PPP1R37: variants seen among roughly 807,000 people sequenced by gnomAD.
PPP1R37 encodes leucine rich repeat containing 68.
In PPP1R37, 21 loss-of-function variants were observed where a neutral mutation model predicts 61.0. The observed-to-expected ratio is 0.34, with a 90% CI of 0.24 to 0.50. The LOEUF is 0.50. Among genes scored for constraint, PPP1R37 ranks in the 20% least tolerant of loss-of-function variants. PPP1R37 has a pLI of 0.98. For synonymous variants in PPP1R37, 443 were observed against 433.5 expected (o/e 1.02, Z -0.27); for missense variants, 910 against 952.7 (o/e 0.96, Z 0.59).
chr19:45,116,525 G>A (rs1382496435), intron 1 of PPP1R37, among the ~76,000 whole-genome samples: 2 of 152,204 alleles, frequency 1.3e-5, no homozygotes. Context: ...CGGCCTCTCA[G>A]CAGGCCTGAG....
Position 45,145,996 on chromosome 19 carries a change from CT to C in PPP1R37, c.1941del (p.Glu648SerfsTer19). 1 of 1,533,854 alleles carries C rather than the reference CT, an allele frequency of 6.5e-7. No individual in the cohort carries two copies. Among genetic ancestry groups the C allele is most frequent in the Non-Finnish European group, 8.7e-7 (1 of 1,145,776 alleles). The part of the protein sequence containing the change: ...LKPEFALALP[P>X]EPPPGPEVKG... ...CCCGAGTTCGCCCTGGCACTGCCCC[CT>C]GAGCCGCCCCCGGGGCCTGAGGTCA... On this transcript the variant is annotated frameshift_variant, in exon 11 of 13. Coordinates refer to ENST00000221462, the MANE Select transcript of PPP1R37 (RefSeq NM_019121.2). LOFTEE classifies it high-confidence loss of function.
intron 1 of PPP1R37, among the ~76,000 whole-genome samples, chr19:45,137,879 C>CT (rs1181032420): frequency 1.3e-5 from 2 of 151,780 alleles, no homozygotes; most frequent in Admixed American, 1.3e-4. Flanking sequence ...TGGCTCATAC[C>CT]TGTAATCCCA....
At chr19:45,144,657 T>G (rs966659078) in intron 8 of PPP1R37, 197 bp from the exon 9 acceptor site, 3 of 543,592 alleles carry the variant, frequency 5.5e-6, no homozygotes, top group Non-Finnish European at 9.6e-6. Context: ...GACCTGGCAT[T>G]TGGGGAGACT....
chr19:45,128,430 C>T, intron 1 of PPP1R37: 1 of 506,820 alleles, frequency 2.0e-6, no homozygotes, highest in Non-Finnish European at 3.5e-6. Context: ...GTGATGCCTG[C>T]AGCTGTGTGT....
chr19:45,131,473 C>T (rs558228179), intron 1 of PPP1R37, among the ~76,000 whole-genome samples: 1 of 152,348 alleles, frequency 6.6e-6, no homozygotes, highest in African/African-American at 2.4e-5. Flanking sequence ...CCTGCCACTT[C>T]CAGGCTCCAT....
Position 45,140,113 on chromosome 19 carries a change from C to A in PPP1R37, c.301-123C>A, listed in dbSNP as rs28706378. The A allele has an allele frequency of 0.011, 8,700 of 803,936 alleles. 442 individuals are homozygous for A. The African/African-American group carries it at 0.12, about 11-fold the overall frequency. The allele number at this position is 803,936 out of a possible 1,614,324, so 49.8% of individuals were successfully genotyped here. On this transcript the variant is annotated intron_variant, in intron 2 of 12. Transcript: ENST00000221462. ...GGTGGGTGGCCTCTGAGCCTCTGTTCAGTGCCTTCGCCCAAACCCCACCCC... is the reference window on the plus strand; with the variant it reads ...GGTGGGTGGCCTCTGAGCCTCTGTTAAGTGCCTTCGCCCAAACCCCACCCC...
chr19:45,145,473 T>A lies in PPP1R37; in HGVS notation c.1417T>A (p.Ser473Thr). 1 of 1,534,778 alleles carries A rather than the reference T, an allele frequency of 6.5e-7. No individual in the cohort carries two copies. The highest frequency in any genetic ancestry group is 2.4e-5 in the East Asian group (1 of 40,882). ...EKEQPPQLSA[S>T]MPETTATEPQ... is the part of the protein sequence containing the mutation. ...GGAGCAGCCGCCACAGCTGTCGGCC[T>A]CCATGCCTGAGACCACCGCCACCGA... is the stretch of plus-strand genomic sequence containing the variant. The change falls in exon 11 of 13, where the codon TCC (serine) becomes ACC (threonine). Residue 473 changes from serine (S) to threonine (T), a missense_variant. Ser to Thr is a moderately conservative substitution (Grantham distance 58). This residue lies in a region of PPP1R37 where 549 missense variants were observed against 505.1 expected (regional missense o/e 1.09). Transcript: ENST00000221462.
chr19:45,144,312 C>T (rs1247334205), intron 8 of PPP1R37: 2 of 152,606 alleles, frequency 1.3e-5, no homozygotes, highest in African/African-American at 4.8e-5. Flanking sequence ...CGCGCCCGGC[C>T]TAATTTTTGT....
At chr19:45,093,613 G>C in intron 1 of PPP1R37, 86 bp downstream of exon 1, 1 of 1,031,756 alleles carries the variant, frequency 9.7e-7, no homozygotes, top group East Asian at 2.9e-5. Context: ...TCGAGGTGGC[G>C]TTCAATAGAT....
At chr19:45,105,387 A>T (rs1968117137) in intron 1 of PPP1R37, among the ~76,000 whole-genome samples, 1 of 152,118 alleles carries the variant, frequency 6.6e-6, no homozygotes, top group Non-Finnish European at 1.5e-5. Flanking sequence ...TCTGTGGGGC[A>T]GGATGGTGCC....
At position 45,142,218 on chromosome 19, in the gene PPP1R37, C is replaced by T. The variant is rs1476241486; in HGVS notation, c.718+7C>T. The T allele has an allele frequency of 4.6e-6, 7 of 1,533,436 alleles. No individual in the cohort carries two copies. The highest frequency in any genetic ancestry group is 6.1e-6 in the Non-Finnish European group (7 of 1,145,288). 95.0% of individuals were successfully genotyped at this position (1,533,436 alleles called of 1,614,324 possible). A position where few individuals can be genotyped will look rare whatever the true frequency, so the allele number is the denominator to read the frequency against. On this transcript the variant is annotated splice_region_variant and intron_variant, in intron 6 of 12. Transcript: ENST00000221462. The stretch of plus-strand genomic sequence containing the variant: ...CGGCCCCTCATGCTGCTCGGTGAGC[C>T]CCAAGCCCGGGAGGGTGAGCAGGAT...
intron 1 of PPP1R37, among the ~76,000 whole-genome samples, chr19:45,104,221 G>A (rs563009873): frequency 5.5e-4 from 83 of 152,252 alleles, no homozygotes; most frequent in Non-Finnish European, 1.1e-3. Flanking sequence ...TTCCCATGGC[G>A]CCTCCTCGCT....
intron 7 of PPP1R37, 47 bp downstream of exon 7, chr19:45,142,505 C>A: frequency 6.6e-7 from 1 of 1,518,876 alleles, no homozygotes; most frequent in Non-Finnish European, 8.8e-7. Flanking sequence ...CCAGCACCCA[C>A]TCTGCCCGGC....
chr19:45,104,382 C>T (rs1968103100), intron 1 of PPP1R37, among the ~76,000 whole-genome samples: 1 of 152,198 alleles, frequency 6.6e-6, no homozygotes, highest in African/African-American at 2.4e-5. Context: ...CTTATGAGCA[C>T]CCAGGCCGGG....
intron 1 of PPP1R37, among the ~76,000 whole-genome samples, chr19:45,109,650 A>G (rs1200293196): frequency 6.6e-6 from 1 of 152,218 alleles, no homozygotes; most frequent in Admixed American, 6.5e-5. Flanking sequence ...GGACACATCC[A>G]GCCCACCACA....
intron 1 of PPP1R37, among the ~76,000 whole-genome samples, chr19:45,135,781 T>TTTTTG (rs1478667070): frequency 8.9e-6 from 1 of 112,618 alleles, no homozygotes; most frequent in African/African-American, 3.4e-5. Context: ...TGCATTTCCT[T>TTTTTG]TTTTTTTTTT....
intron 1 of PPP1R37, among the ~76,000 whole-genome samples, chr19:45,134,763 C>T (rs761413498): frequency 1.3e-5 from 2 of 152,022 alleles, no homozygotes; most frequent in Admixed American, 6.6e-5. Context: ...TTCTACGGCG[C>T]TTCTGTAAGC....
At chr19:45,135,335 C>T (rs950333466) in intron 1 of PPP1R37, among the ~76,000 whole-genome samples, 1 of 152,234 alleles carries the variant, frequency 6.6e-6, no homozygotes, top group Admixed American at 6.5e-5. Flanking sequence ...GATGCCACAG[C>T]CAGCTCTGGG....
chr19:45,113,970 C>T (rs1968233043), intron 1 of PPP1R37, among the ~76,000 whole-genome samples: 1 of 152,204 alleles, frequency 6.6e-6, no homozygotes, highest in Non-Finnish European at 1.5e-5. Flanking sequence ...GCTCTTTGCT[C>T]ATCCAGCATC....
Sources: allele counts gnomAD v4.1 joint callset (sites outside exome capture counted in the v4.1 genomes callset), GRCh38; gene constraint gnomAD v4.1.1; regional missense constraint gnomAD v4.1.1; transcripts MANE v1.5; gene names NCBI Gene and HGNC (gene_info 2026-07-23, HGNC 2026-07-21).